Variants in MTUS2 observed in about 807,000 individuals in gnomAD.
MTUS2 encodes microtubule-associated tumor suppressor candidate 2.
Under a neutral mutation model 114.1 loss-of-function variants are expected in MTUS2, and 40 were observed. That is an observed-to-expected ratio of 0.35 (90% CI 0.27 to 0.46). The LOEUF is 0.46. MTUS2 is among the 20% of genes least tolerant of loss of function. MTUS2 has a pLI of 1.00. For missense variants in MTUS2, 1,679 were observed against 1,705.4 expected, an observed-to-expected ratio of 0.98 and a Z score of 0.27; for synonymous variants, 688 against 672.0, an observed-to-expected ratio of 1.02 and a Z score of -0.37.
intron 2 of MTUS2, among the ~76,000 whole-genome samples, chr13:28,916,899 G>A (rs1182589216): frequency 1.3e-5 from 2 of 151,614 alleles, no homozygotes; most frequent in Non-Finnish European, 3.0e-5. Context: ...TACTAGCTGT[G>A]GGTGTATGAC....
At chr13:29,408,855 T>C (rs1370388727) in intron 8 of MTUS2, among the ~76,000 whole-genome samples, 1 of 152,186 alleles carries the variant, frequency 6.6e-6, no homozygotes, top group African/African-American at 2.4e-5. Context: ...TGAATTCCAA[T>C]CCAACACCAC....
chr13:28,856,458 C>T (rs756422829), intron 2 of MTUS2, among the ~76,000 whole-genome samples: 39 of 152,122 alleles, frequency 2.6e-4, no homozygotes, highest in South Asian at 2.1e-4. Flanking sequence ...TGGGTGTCTC[C>T]GAGGGCCTGG....
At chr13:29,396,695 T>A (rs1489591611) in intron 8 of MTUS2, among the ~76,000 whole-genome samples, 1 of 152,184 alleles carries the variant, frequency 6.6e-6, no homozygotes, top group African/African-American at 2.4e-5. Flanking sequence ...ATTCCTTACA[T>A]CAAATACTTC....
At chr13:29,367,590 G>A (rs1870822525) in intron 8 of MTUS2, among the ~76,000 whole-genome samples, 1 of 152,146 alleles carries the variant, frequency 6.6e-6, no homozygotes, top group African/African-American at 2.4e-5. Context: ...ATCCAGGCAA[G>A]AGGTGAGAAG....
intron 5 of MTUS2, among the ~76,000 whole-genome samples, chr13:29,130,634 T>A (rs964054817): frequency 1.4e-4 from 21 of 152,172 alleles, no homozygotes; most frequent in Admixed American, 6.5e-5. Context: ...TTATTTATTT[T>A]ATTTATTTTT....
At chr13:29,180,555 A>G (rs902708224) in intron 5 of MTUS2, among the ~76,000 whole-genome samples, 3 of 152,234 alleles carry the variant, frequency 2.0e-5, no homozygotes, top group African/African-American at 7.2e-5. Flanking sequence ...ATAGGTGGAC[A>G]TCTGTCTATA....
intron 2 of MTUS2, among the ~76,000 whole-genome samples, chr13:28,861,054 A>G (rs1876947971): frequency 1.3e-5 from 2 of 152,042 alleles, no homozygotes; most frequent in Admixed American, 6.5e-5. Context: ...CAGGGCAGGG[A>G]CCAGGCTGGT....
intron 5 of MTUS2, among the ~76,000 whole-genome samples, chr13:29,218,174 C>A (rs1043190692): frequency 6.6e-6 from 1 of 152,062 alleles, no homozygotes; most frequent in Non-Finnish European, 1.5e-5. Context: ...CTAAAAACCC[C>A]AGTGTTTACA....
intron 3 of MTUS2, among the ~76,000 whole-genome samples, chr13:29,030,511 C>T (rs1289145120): frequency 6.6e-6 from 1 of 152,134 alleles, no homozygotes; most frequent in Non-Finnish European, 1.5e-5. Flanking sequence ...AAGTGGGGAA[C>T]AGGCTGGTCC....
rs79035790 is a variant in MTUS2, at chr13:29,142,998, G to C, written c.2644+42028G>C. On this transcript the variant is annotated intron_variant, in intron 5 of 15. Coordinates refer to ENST00000612955, the MANE Select transcript of MTUS2 (RefSeq NM_001033602.4). ...GAAATAACAAACAAAAACCAGAGAA[G>C]ATTGGATTGGGAAGGAAGGTGAATG... 2.8e-3 allele frequency among the ~76,000 whole-genome samples: 420 copies of C among 152,328 alleles called. 2 individuals are homozygous for C. The highest frequency in any genetic ancestry group is 9.6e-3 in the African/African-American group (400 of 41,576).
Position 29,024,510 on chromosome 13 carries a change from C to G in MTUS2, c.-189C>G, listed in dbSNP as rs926680148. 1 of 647,406 alleles carries G rather than the reference C, an allele frequency of 1.5e-6. No individual in the cohort carries two copies. The highest frequency in any genetic ancestry group is 1.8e-5 in the African/African-American group (1 of 54,544). 40.1% of individuals were successfully genotyped at this position (647,406 alleles called of 1,614,324 possible). A position where few individuals can be genotyped will look rare whatever the true frequency, so the allele number is the denominator to read the frequency against. The stretch of plus-strand genomic sequence containing the variant: ...GCAGGAACCTAACAGATAAGTCTTC[C>G]TGCTGTATATCAAGACAATGCTTGG... On this transcript the variant is annotated 5_prime_UTR_variant, in exon 3 of 16. Transcript: ENST00000612955.
intron 9 of MTUS2, among the ~76,000 whole-genome samples, chr13:29,458,619 C>G (rs1176410954): frequency 6.6e-6 from 1 of 152,194 alleles, no homozygotes; most frequent in African/African-American, 2.4e-5. Flanking sequence ...CTATAAACCA[C>G]TCTCTCCCAA....
intron 5 of MTUS2, among the ~76,000 whole-genome samples, chr13:29,217,328 A>G (rs1895721413): frequency 6.6e-6 from 1 of 152,172 alleles, no homozygotes; most frequent in African/African-American, 2.4e-5. Context: ...GGTTTTTCCT[A>G]ATAACTATTA....
At chr13:28,927,776 T>C (rs1194403537) in intron 2 of MTUS2, among the ~76,000 whole-genome samples, 1 of 152,134 alleles carries the variant, frequency 6.6e-6, no homozygotes, top group Non-Finnish European at 1.5e-5. Flanking sequence ...GTTAAAAATT[T>C]ATATGTAACC....
At chr13:29,404,598 C>T (rs1874615394) in intron 8 of MTUS2, among the ~76,000 whole-genome samples, 1 of 152,174 alleles carries the variant, frequency 6.6e-6, no homozygotes, top group Admixed American at 6.5e-5. Flanking sequence ...GGATTTGTGG[C>T]TTATTTTCCT....
chr13:28,897,666 T>C (rs1334294765), intron 2 of MTUS2, among the ~76,000 whole-genome samples: 2 of 151,966 alleles, frequency 1.3e-5, no homozygotes, highest in African/African-American at 4.8e-5. Flanking sequence ...TGTCCAACAA[T>C]GATAGACTGG....
At chr13:29,340,054 G>A (rs1168336645) in intron 7 of MTUS2, among the ~76,000 whole-genome samples, 4 of 152,348 alleles carry the variant, frequency 2.6e-5, no homozygotes, top group Non-Finnish European at 5.9e-5. Flanking sequence ...GAATCAGGAC[G>A]CCAGAAAGCG....
chr13:28,994,635 A>G (rs941035519), intron 2 of MTUS2, among the ~76,000 whole-genome samples: 1 of 152,000 alleles, frequency 6.6e-6, no homozygotes, highest in African/African-American at 2.4e-5. Context: ...TTTGATTTTC[A>G]TTTCTCTGAT....
chr13:29,271,581 T>C (rs538624702), intron 5 of MTUS2, among the ~76,000 whole-genome samples: 8 of 152,330 alleles, frequency 5.3e-5, no homozygotes, highest in East Asian at 3.9e-4. Flanking sequence ...TAAGATATGC[T>C]CACTTTCTTC....
Sources: allele counts gnomAD v4.1 joint callset (sites outside exome capture counted in the v4.1 genomes callset), GRCh38; gene constraint gnomAD v4.1.1; transcripts MANE v1.5; gene names NCBI Gene and HGNC (gene_info 2026-07-23, HGNC 2026-07-21).